Variants in OGDHL observed in about 807,000 individuals in gnomAD.
OGDHL encodes the protein oxoglutarate dehydrogenase L.
A neutral mutation model predicts 109.6 loss-of-function variants in OGDHL; 79 were observed. That is an observed-to-expected ratio of 0.72 (90% CI 0.60 to 0.87). OGDHL has a LOEUF of 0.87. OGDHL is among the 40% of genes least tolerant of loss of function. The pLI is 0.00. For missense variants in OGDHL, 1,275 were observed against 1,362.2 expected (o/e 0.94, Z 1.01); for synonymous variants, 528 against 537.2 (o/e 0.98, Z 0.24).
At position 49,752,254 on chromosome 10, in the gene OGDHL, G is replaced by A. The variant is rs1359016521; in HGVS notation, c.479-6C>T. ...CTCCTGAAGGTCATAGAAGGCTGGA[G>A]AAGGAGGCGTGGCCGAGCCCCGGGC... On this transcript the variant is annotated splice_region_variant and splice_polypyrimidine_tract_variant and intron_variant, in intron 4 of 22. Coordinates refer to ENST00000374103, the MANE Select transcript of OGDHL (RefSeq NM_018245.3). The A allele has an allele frequency of 4.3e-6, 7 of 1,610,956 alleles. No homozygotes were observed. Among genetic ancestry groups the A allele is most frequent in the African/African-American group, 1.3e-5 (1 of 74,880 alleles).
At position 49,745,848 on chromosome 10, in the gene OGDHL, C is replaced by G; in HGVS notation, c.1426G>C (p.Val476Leu). Residue 476 changes from valine (V) to leucine (L), a missense_variant, in exon 11 of 23, where the codon GTG becomes CTG. Val to Leu is a conservative substitution (Grantham distance 32). Coordinates refer to ENST00000374103, the MANE Select transcript of OGDHL (RefSeq NM_018245.3). ...DPEAVIYVCSVAAEWRNTFNK... is the reference protein window; with the variant it reads ...DPEAVIYVCSLAAEWRNTFNK... ...AAAGTGTTTCTCCATTCGGCTGCCACACTGCACACATATATCACAGCCTCT... is the reference window on the plus strand; with the variant it reads ...AAAGTGTTTCTCCATTCGGCTGCCAGACTGCACACATATATCACAGCCTCT... The G allele has an allele frequency of 6.2e-7, 1 of 1,614,228 alleles. No homozygotes were observed. Among genetic ancestry groups the G allele is most frequent in the Non-Finnish European group, 8.5e-7 (1 of 1,180,052 alleles).
rs141236156 is a variant in OGDHL, at chr10:49,735,235, G to A, written c.3026C>T (p.Thr1009Ile). The A allele has an allele frequency of 3.1e-6, 5 of 1,613,508 alleles. No individual in the cohort carries two copies. The African/African-American group carries it at 5.3e-5, about 17-fold the overall frequency. The stretch of plus-strand genomic sequence containing the variant: ...CACAGGTTTTGCCCAGCTCTAAAAT[G>A]TCTTGCCCTCAAAGGCCTGGAGATT... The part of the protein sequence containing the change: ...AFNLQAFEGK[T>I]F The change falls in exon 23 of 23, where the codon ACA (threonine) becomes ATA (isoleucine). Residue 1009 changes from threonine (T) to isoleucine (I), a missense_variant. By Grantham distance (89) the Thr-to-Ile change is moderately conservative. Coordinates refer to ENST00000374103, the MANE Select transcript of OGDHL (RefSeq NM_018245.3).
intron 22 of OGDHL, among the ~76,000 whole-genome samples, chr10:49,735,571 TCACTG>T (rs1841095864): frequency 6.6e-6 from 1 of 152,208 alleles, no homozygotes; most frequent in Admixed American, 6.5e-5. Flanking sequence ...TCCCTCCATG[TCACTG>T]CACTTGCCCA....
At chr10:49,747,660 T>C (rs1842294458) in intron 8 of OGDHL, among the ~76,000 whole-genome samples, 1 of 152,046 alleles carries the variant, frequency 6.6e-6, no homozygotes, top group African/African-American at 2.4e-5. Context: ...CTACACAATA[T>C]CCTAACACCA....
chr10:49,745,587 C>T (rs1399669412), intron 11 of OGDHL, 91 bp from the exon 12 acceptor site: 1 of 1,515,912 alleles, frequency 6.6e-7, no homozygotes, highest in South Asian at 1.2e-5. Context: ...GGGTAGGGCA[C>T]ACCCACTGGG....
chr10:49,750,859 G>A lies in OGDHL; in HGVS notation c.876C>T (p.Val292=), dbSNP rs1842539264. The change falls in exon 7 of 23, where the codon GTC becomes GTT. Residue 292 remains valine (V), a synonymous_variant. Coordinates refer to ENST00000374103, the MANE Select transcript of OGDHL (RefSeq NM_018245.3). ...DKSSEMGIEN[V]ILGMPHRGRL... is the part of the protein sequence containing the mutation. ...CCCACCTGTGTGGCATCCCCAAGAT[G>A]ACATTCTCAATCCCCATCTCGCTGG... 6.2e-7 allele frequency: 1 copy of A among 1,611,488 alleles called. No individual in the cohort carries two copies. Among genetic ancestry groups the A allele is most frequent in the Non-Finnish European group, 8.5e-7 (1 of 1,178,830 alleles).
At chr10:49,741,686 C>T (rs889704386) in intron 15 of OGDHL, among the ~76,000 whole-genome samples, 15 of 150,510 alleles carry the variant, frequency 1.0e-4, no homozygotes, top group Non-Finnish European at 2.2e-4. Flanking sequence ...ACCACACACA[C>T]ATACACATCC....
intron 3 of OGDHL, among the ~76,000 whole-genome samples, chr10:49,753,368 T>C (rs867806263): frequency 1.3e-5 from 2 of 152,334 alleles, no homozygotes; most frequent in African/African-American, 4.8e-5. Flanking sequence ...AGAAGTTATC[T>C]TACTTTGAAG....
At chr10:49,736,708 T>C (rs540641169) in intron 20 of OGDHL, among the ~76,000 whole-genome samples, 188 bp from the exon 21 acceptor site, 19 of 152,200 alleles carry the variant, frequency 1.2e-4, no homozygotes, top group African/African-American at 3.6e-4. Flanking sequence ...TGAGCTGTCA[T>C]AGGGAGAGGG....
chr10:49,745,774 C>T (rs757322463), intron 11 of OGDHL, 24 bp downstream of exon 11: 122 of 1,609,590 alleles, frequency 7.6e-5, no homozygotes, highest in Non-Finnish European at 9.1e-5. Context: ...CCACCCATGC[C>T]TTGGCCTCAG....
At chr10:49,742,715 G>A (rs2132999770) in intron 15 of OGDHL, 113 bp downstream of exon 15, 2 of 1,356,704 alleles carry the variant, frequency 1.5e-6, no homozygotes, top group East Asian at 5.0e-5. Flanking sequence ...GAGGGCAGGG[G>A]CTAGGGATGC....
chr10:49,745,313 T>C (rs1442209557), intron 12 of OGDHL, 31 bp downstream of exon 12: 2 of 1,609,906 alleles, frequency 1.2e-6, no homozygotes, highest in East Asian at 2.2e-5. Flanking sequence ...CCAAAGTTTG[T>C]CTTGGGCGCC....
In OGDHL at chr10:49,742,941, G is replaced by A. The variant is rs1841894577; in HGVS notation, c.1899C>T (p.Thr633=). 5.6e-6 allele frequency: 9 copies of A among 1,613,886 alleles called. No individual in the cohort carries two copies. The highest frequency in any genetic ancestry group is 7.6e-6 in the Non-Finnish European group (9 of 1,180,008). Residue 633 remains threonine, a synonymous_variant, in exon 15 of 23, where the codon ACC becomes ACT. Transcript: ENST00000374103. ...ACGCCCAGTCCACCGTCCGGTTCTTGGTCATGTCCGCACGGCCCCGCAGAA... is the reference window on the plus strand; with the variant it reads ...ACGCCCAGTCCACCGTCCGGTTCTTAGTCATGTCCGCACGGCCCCGCAGAA... The part of the protein sequence containing the change: ...SRILRGRADM[T]KNRTVDWALA...
Position 49,751,985 on chromosome 10 carries a change from G to C in OGDHL, c.595-4C>G. The C allele has an allele frequency of 1.2e-6, 2 of 1,614,118 alleles. No homozygotes were observed. Among genetic ancestry groups the C allele is most frequent in the Non-Finnish European group, 1.7e-6 (2 of 1,180,022 alleles). On this transcript the variant is annotated splice_region_variant and splice_polypyrimidine_tract_variant and intron_variant, in intron 5 of 22. Coordinates refer to ENST00000374103, the MANE Select transcript of OGDHL (RefSeq NM_018245.3). ...CAATGTGCTGGCAGTAGGTGTTCTG[G>C]GGAGACACATTGGGACCCCATGAGG...
chr10:49,738,250 A>C lies in OGDHL; in HGVS notation c.2332T>G (p.Ser778Ala), dbSNP rs776077439. 1 of 1,613,006 alleles carries C rather than the reference A, an allele frequency of 6.2e-7. No homozygotes were observed. The highest frequency in any genetic ancestry group is 1.1e-5 in the South Asian group (1 of 91,012). Residue 778 changes from serine to alanine, a missense_variant, in exon 18 of 23, where the codon TCG (serine) becomes GCG (alanine). Transcript: ENST00000374103. ...AGGAACCTTTCGGGCCTCGCTGACG[A>C]GTGCTCTGGGCCCTGAAAGCAAACG... ...HGMEGMGPEH[S>A]SARPERFLQM...
intron 3 of OGDHL, 184 bp downstream of exon 3, chr10:49,756,592 T>C: frequency 1.9e-6 from 1 of 530,920 alleles, no homozygotes; most frequent in Non-Finnish European, 3.2e-6. Context: ...TTCAAGCAGG[T>C]GGTAAGTGCT....
In OGDHL at chr10:49,735,302, T is replaced by C. The variant is rs746337688; in HGVS notation, c.2959A>G (p.Thr987Ala). The change falls in exon 23 of 23, where the codon ACT becomes GCT. Residue 987 changes from threonine to alanine, a missense_variant. Transcript: ENST00000374103. ...AAAPATGNRN[T>A]HLVSLKKFLD... ...AACTTCTTCAGTGACACCAGGTGAGTGTTCCTGTTTCCTGTGGCTGGTGCA... is the reference window on the plus strand; with the variant it reads ...AACTTCTTCAGTGACACCAGGTGAGCGTTCCTGTTTCCTGTGGCTGGTGCA... 3 of 1,613,886 alleles carry C rather than the reference T, an allele frequency of 1.9e-6. No individual in the cohort carries two copies. The highest frequency in any genetic ancestry group is 3.3e-5 in the Admixed American group (2 of 59,992).
At chr10:49,757,013 T>TG in intron 2 of OGDHL, 67 bp from the exon 3 acceptor site, 1 of 1,534,244 alleles carries the variant, frequency 6.5e-7, no homozygotes, top group Non-Finnish European at 8.8e-7. Flanking sequence ...TGGCCCAGGC[T>TG]GGGGCCCCAA....
rs1267153435 is a variant in OGDHL, at chr10:49,737,781, C to A, written c.2590+5G>T. On this transcript the variant is annotated splice_donor_5th_base_variant and intron_variant, in intron 20 of 22. Transcript: ENST00000374103. ...CTACCCCACACACCCAGGCCAGGCACGTACCGGATACCATTTGGTCAAAGC... is the reference window on the plus strand; with the variant it reads ...CTACCCCACACACCCAGGCCAGGCAAGTACCGGATACCATTTGGTCAAAGC... 11 of 1,614,034 alleles carry A rather than the reference C, an allele frequency of 6.8e-6. No homozygotes were observed. Among genetic ancestry groups the A allele is most frequent in the Non-Finnish European group, 9.3e-6 (11 of 1,180,020 alleles).
Sources: gnomAD v4.1 joint callset for allele counts (sites outside exome capture counted in the v4.1 genomes callset) on GRCh38, gnomAD v4.1.1 for gene constraint, MANE v1.5 for transcripts, NCBI Gene and HGNC (gene_info 2026-07-23, HGNC 2026-07-21) for gene names.